The following TASP1 variants were observed in gnomAD, a reference collection of about 807,000 sequenced individuals.
The protein encoded by TASP1 is taspase 1, also known as threonine aspartase 1.
In TASP1, 16 loss-of-function variants were observed where a neutral mutation model predicts 56.6. The ratio of observed to expected loss-of-function variants is 0.28; its 90% CI spans 0.19 to 0.43. The LOEUF (loss-of-function observed/expected upper bound fraction) is 0.43, where lower values mean the gene tolerates loss of function less well. Among genes scored for constraint, TASP1 ranks in the 20% least tolerant of loss-of-function variants. The probability of loss-of-function intolerance (pLI) is 1.00; values close to 1 mark genes in which losing one functional copy is unlikely to be tolerated. For synonymous variants in TASP1, 179 were observed against 184.2 expected, an observed-to-expected ratio of 0.97 and a Z score of 0.23; for missense variants, 393 against 511.6, an observed-to-expected ratio of 0.77 and a Z score of 2.24.
chr20:13,483,435 G>T, intron 10 of TASP1, 98 bp from the exon 11 acceptor site: 1 of 699,190 alleles, frequency 1.4e-6, no homozygotes, highest in Non-Finnish European at 2.2e-6. Flanking sequence ...ATTTAAGAGA[G>T]TAGTTAGCTG....
the TASP1 span, among the ~76,000 whole-genome samples, chr20:13,310,130 C>G: frequency 6.6e-6 from 1 of 152,072 alleles, no homozygotes; most frequent in East Asian, 1.9e-4. Context: ...ACTAAATAGC[C>G]AAAGCAATCT....
chr20:13,437,453 C>A (rs1317440379), intron 11 of TASP1, among the ~76,000 whole-genome samples: 1 of 152,172 alleles, frequency 6.6e-6, no homozygotes, highest in East Asian at 1.9e-4. Context: ...TGGCACAAGA[C>A]AGGGATGCCC....
chr20:13,408,427 C>A (rs952055878), intron 13 of TASP1, among the ~76,000 whole-genome samples: 1 of 152,096 alleles, frequency 6.6e-6, no homozygotes, highest in Non-Finnish European at 1.5e-5. Context: ...TAAGCATCTC[C>A]GCATATATAT....
intron 11 of TASP1, among the ~76,000 whole-genome samples, chr20:13,468,963 T>C (rs1006378520): frequency 5.9e-5 from 9 of 151,820 alleles, no homozygotes; most frequent in Admixed American, 5.9e-4. Context: ...AAAATACCAA[T>C]TGTGAATAGT....
the TASP1 span, among the ~76,000 whole-genome samples, chr20:13,213,079 G>C: frequency 6.6e-6 from 1 of 152,088 alleles, no homozygotes; most frequent in African/African-American, 2.4e-5. Flanking sequence ...CTGAGGAATG[G>C]CTGGATTAAA....
the TASP1 span, among the ~76,000 whole-genome samples, chr20:13,210,637 G>C: frequency 2.0e-5 from 3 of 151,952 alleles, no homozygotes; most frequent in South Asian, 6.2e-4. Flanking sequence ...GTGTGTGTGT[G>C]TGTGTGTGTG....
the TASP1 span, among the ~76,000 whole-genome samples, chr20:13,359,649 T>G: frequency 0.17 from 24,016 of 142,292 alleles, 2,115 homozygotes; most frequent in African/African-American, 0.33. Flanking sequence ...ACTCCCCAAC[T>G]CTGGTGCCAA....
At chr20:13,259,253 C>A in the TASP1 span, among the ~76,000 whole-genome samples, 3 of 151,310 alleles carry the variant, frequency 2.0e-5, no homozygotes, top group Non-Finnish European at 4.4e-5. Flanking sequence ...TGCACTCCAG[C>A]CTGGGCGACA....
intron 11 of TASP1, among the ~76,000 whole-genome samples, chr20:13,459,827 G>C (rs1409086029): frequency 6.6e-6 from 1 of 151,982 alleles, no homozygotes; most frequent in East Asian, 1.9e-4. Context: ...CTGTTGACTA[G>C]GTCTACTGCT....
chr20:13,273,025 A>G, the TASP1 span, among the ~76,000 whole-genome samples: 4 of 152,186 alleles, frequency 2.6e-5, no homozygotes, highest in Non-Finnish European at 5.9e-5. Context: ...ACTAACGCAA[A>G]GTCATAGGAA....
the TASP1 span, among the ~76,000 whole-genome samples, chr20:13,209,120 G>C: frequency 6.6e-6 from 1 of 152,122 alleles, no homozygotes; most frequent in Non-Finnish European, 1.5e-5. Flanking sequence ...CCATGAAGTT[G>C]TTGTTCTTTC....
the TASP1 span, among the ~76,000 whole-genome samples, chr20:13,305,438 G>C: frequency 6.6e-6 from 1 of 152,306 alleles, no homozygotes; most frequent in Admixed American, 6.5e-5. Flanking sequence ...CACACAAAGA[G>C]TTATGAATAA....
chr20:13,534,969 G>A (rs770254603), intron 8 of TASP1, among the ~76,000 whole-genome samples: 3 of 152,130 alleles, frequency 2.0e-5, no homozygotes, highest in East Asian at 1.9e-4. Context: ...GGGGGGTTAC[G>A]GTAGGTTTTT....
Position 13,451,974 on chromosome 20 carries a change from G to A in TASP1, c.986-16820C>T, listed in dbSNP as rs551626697. Among the ~76,000 whole-genome samples, 7 of 152,150 alleles carry A rather than the reference G, an allele frequency of 4.6e-5. No individual in the cohort carries two copies. The East Asian group carries it at 1.2e-3, about 25-fold the overall frequency. Reference sequence around the variant, plus strand: ...ATTTTTGTGTCTCAGTGAATAAGGAGGCCAAGGACAGCAAGAGAAACAGGG... The same window carrying A: ...ATTTTTGTGTCTCAGTGAATAAGGAAGCCAAGGACAGCAAGAGAAACAGGG... On this transcript the variant is annotated intron_variant, in intron 11 of 13. Coordinates refer to ENST00000337743, the MANE Select transcript of TASP1 (RefSeq NM_017714.3).
the TASP1 span, among the ~76,000 whole-genome samples, chr20:13,252,968 C>A: frequency 6.6e-6 from 1 of 152,296 alleles, no homozygotes; most frequent in East Asian, 1.9e-4. Flanking sequence ...TCTGCCAGAC[C>A]TCTGAGCTAG....
At chr20:13,497,392 C>T (rs914422203) in intron 10 of TASP1, among the ~76,000 whole-genome samples, 1 of 152,136 alleles carries the variant, frequency 6.6e-6, no homozygotes, top group Non-Finnish European at 1.5e-5. Flanking sequence ...AGTGTGAGAC[C>T]AGAGTGGTAA....
In TASP1 at chr20:13,559,092, T is replaced by C; in HGVS notation, c.591A>G (p.Lys197=). ...MTTRFSLAAF[K]RNKRKLELAE... ...CCAGCTCTAGTTTCCTCTTGTTTCT[T>C]TTAAATGCAGCTAAACTGAATCCTA... The change falls in exon 8 of 14, where the codon AAA becomes AAG. Residue 197 remains lysine (K), a synonymous_variant. Coordinates refer to ENST00000337743, the MANE Select transcript of TASP1 (RefSeq NM_017714.3). 1 of 1,581,808 alleles carries C rather than the reference T, an allele frequency of 6.3e-7. No homozygotes were observed. The highest frequency in any genetic ancestry group is 8.6e-7 in the Non-Finnish European group (1 of 1,163,170).
the TASP1 span, among the ~76,000 whole-genome samples, chr20:13,263,240 T>C: frequency 6.6e-6 from 1 of 152,178 alleles, no homozygotes; most frequent in Admixed American, 6.5e-5. Flanking sequence ...CAGCAGCTGG[T>C]CAGCCTTGTC....
chr20:13,482,290 C>G (rs1027876265), intron 11 of TASP1, among the ~76,000 whole-genome samples: 1 of 152,102 alleles, frequency 6.6e-6, no homozygotes, highest in African/African-American at 2.4e-5. Context: ...GTTTTTATGC[C>G]AGTCCCATGC....
Sources: allele counts gnomAD v4.1 joint callset (sites outside exome capture counted in the v4.1 genomes callset), GRCh38; gene constraint gnomAD v4.1.1; transcripts MANE v1.5; gene names NCBI Gene and HGNC (gene_info 2026-07-23, HGNC 2026-07-21).